DRC8: variants seen among roughly 807,000 people sequenced by gnomAD.
DRC8 encodes dynein regulatory complex protein 8.
chr1:245,064,901 G>A, the DRC8 span, among the ~76,000 whole-genome samples: 1 of 151,858 alleles, frequency 6.6e-6, no homozygotes, highest in African/African-American at 2.4e-5. Flanking sequence ...TTACGTTGGT[G>A]TAAACACATA....
the DRC8 span, among the ~76,000 whole-genome samples, chr1:245,017,497 A>G: frequency 8.9e-4 from 136 of 152,290 alleles, no homozygotes; most frequent in South Asian, 0.012. Context: ...TTTGATAAGT[A>G]CTGTTTCTTA....
chr1:245,017,688 T>C, the DRC8 span, among the ~76,000 whole-genome samples: 1 of 152,120 alleles, frequency 6.6e-6, no homozygotes, highest in Non-Finnish European at 1.5e-5. Context: ...CATAAATATG[T>C]ATTATAAGGC....
the DRC8 span, among the ~76,000 whole-genome samples, chr1:245,016,232 C>T: frequency 3.9e-5 from 6 of 152,258 alleles, no homozygotes; most frequent in East Asian, 1.9e-4. Flanking sequence ...CCACCCTCCT[C>T]GGCCTCCCGA....
At chr1:245,117,320 C>T in the DRC8 span, among the ~76,000 whole-genome samples, 1 of 151,906 alleles carries the variant, frequency 6.6e-6, no homozygotes, top group South Asian at 2.1e-4. Context: ...TCCCAAAGTG[C>T]TAGGATTACA....
chr1:245,115,363 A>T, the DRC8 span, among the ~76,000 whole-genome samples: 1 of 152,110 alleles, frequency 6.6e-6, no homozygotes, highest in African/African-American at 2.4e-5. Context: ...TTACTTATTT[A>T]AAAAAATTAT....
the DRC8 span, chr1:245,017,292 T>A: frequency 6.2e-7 from 1 of 1,609,958 alleles, no homozygotes; most frequent in Non-Finnish European, 8.5e-7. Context: ...ATTTGAAGTC[T>A]TTGACCATGA....
At chr1:245,113,416 C>G in the DRC8 span, among the ~76,000 whole-genome samples, 1 of 152,152 alleles carries the variant, frequency 6.6e-6, no homozygotes, top group African/African-American at 2.4e-5. Context: ...ACTCTGTTGT[C>G]TTCTCATTGT....
the DRC8 span, among the ~76,000 whole-genome samples, chr1:244,980,218 CAA>C: frequency 6.0e-4 from 39 of 64,934 alleles, no homozygotes; most frequent in African/African-American, 1.0e-3. Flanking sequence ...GACTCCGTCT[CAA>C]AAAAAAAAAA....
At chr1:245,011,770 A>C in the DRC8 span, among the ~76,000 whole-genome samples, 4 of 152,258 alleles carry the variant, frequency 2.6e-5, no homozygotes, top group African/African-American at 9.6e-5. Context: ...TGCTGTGTTG[A>C]ACAAAGTTAA....
chr1:245,096,348 G>A, the DRC8 span, among the ~76,000 whole-genome samples: 1 of 152,264 alleles, frequency 6.6e-6, no homozygotes, highest in Non-Finnish European at 1.5e-5. Flanking sequence ...AACACAGGCG[G>A]GACGAGGGGC....
At chr1:245,118,630 A>G in the DRC8 span, among the ~76,000 whole-genome samples, 6 of 151,990 alleles carry the variant, frequency 3.9e-5, no homozygotes, top group African/African-American at 1.4e-4. Flanking sequence ...CGTCTCTACT[A>G]AAAATACAAA....
At chr1:245,081,080 C>A in the DRC8 span, among the ~76,000 whole-genome samples, 1 of 151,842 alleles carries the variant, frequency 6.6e-6, no homozygotes, top group Non-Finnish European at 1.5e-5. Context: ...CTTCCCTGGT[C>A]TCCTGGTCTA....
At chr1:245,016,472 A>G in the DRC8 span, among the ~76,000 whole-genome samples, 1 of 151,766 alleles carries the variant, frequency 6.6e-6, no homozygotes, top group African/African-American at 2.4e-5. Flanking sequence ...GTATCAACCC[A>G]TTCTCCCCCA....
At chr1:245,111,216 C>T in the DRC8 span, among the ~76,000 whole-genome samples, 2 of 152,186 alleles carry the variant, frequency 1.3e-5, no homozygotes, top group South Asian at 4.1e-4. Flanking sequence ...CAGACCTCCT[C>T]CTCCTTTCTT....
the DRC8 span, among the ~76,000 whole-genome samples, chr1:245,067,620 T>C: frequency 2.6e-5 from 4 of 152,186 alleles, no homozygotes; most frequent in Non-Finnish European, 5.9e-5. Flanking sequence ...TTAAGTATCC[T>C]TGGATTTTTT....
chr1:244,983,121 C>T, the DRC8 span, among the ~76,000 whole-genome samples: 1 of 152,080 alleles, frequency 6.6e-6, no homozygotes, highest in African/African-American at 2.4e-5. Flanking sequence ...TTGGGTCTCA[C>T]CCTCAGTAAT....
At chr1:245,056,534 A>C in the DRC8 span, among the ~76,000 whole-genome samples, 1 of 152,226 alleles carries the variant, frequency 6.6e-6, no homozygotes, top group Non-Finnish European at 1.5e-5. Flanking sequence ...TCCAGATGGA[A>C]GCTCTTCCCT....
chr1:245,088,870 G>A, the DRC8 span, among the ~76,000 whole-genome samples: 1 of 152,186 alleles, frequency 6.6e-6, no homozygotes, highest in South Asian at 2.1e-4. This position sits in a 1 kb window ranked among gnomAD's most constrained non-coding sequence, Gnocchi z 4.6. Context: ...AAGCAGCTCA[G>A]TATATTTGGA....
the DRC8 span, among the ~76,000 whole-genome samples, chr1:245,014,197 A>G: frequency 6.6e-6 from 1 of 152,216 alleles, no homozygotes; most frequent in Non-Finnish European, 1.5e-5. Flanking sequence ...TTTTCATTTT[A>G]GAAAAACAAG....
Sources: allele counts gnomAD v4.1 joint callset (sites outside exome capture counted in the v4.1 genomes callset), GRCh38; gene constraint gnomAD v4.1.1; non-coding constraint Gnocchi (gnomAD v3.1); transcripts MANE v1.5; gene names NCBI Gene and HGNC (gene_info 2026-07-23, HGNC 2026-07-21).